Variants in TMEM97 observed in about 807,000 individuals in gnomAD.
TMEM97 encodes transmembrane protein 97, also known as sigma intracellular receptor 2.
TMEM97 carries 13 observed loss-of-function variants against 18.3 expected under a neutral mutation model. The observed-to-expected ratio is 0.71, with a 90% CI of 0.46 to 1.13. TMEM97 has a LOEUF of 1.13. TMEM97 is among the 50% of genes most tolerant of loss of function. The probability of loss-of-function intolerance (pLI) is 0.00; values close to 1 mark genes in which losing one functional copy is unlikely to be tolerated. For missense variants in TMEM97, 205 were observed against 210.5 expected (o/e 0.97, Z 0.16); for synonymous variants, 76 against 85.3 (o/e 0.89, Z 0.60).
chr17:28,322,238 T>C (rs140414377), intron 1 of TMEM97, among the ~76,000 whole-genome samples: 2 of 151,482 alleles, frequency 1.3e-5, no homozygotes, highest in Admixed American at 1.3e-4. Flanking sequence ...TTTTTGTTTT[T>C]CTTTCTTTTT....
Position 28,326,705 on chromosome 17 carries a change from C to T in TMEM97, c.443C>T (p.Ala148Val). The stretch of plus-strand genomic sequence containing the variant: ...CGGTTAACCCTTGTGTCTGTCTATG[C>T]CCCCTACTTACTCATCCCATTCATA... ...HERLTLVSVYAPYLLIPFILL... is the reference protein window; with the variant it reads ...HERLTLVSVYVPYLLIPFILL... Residue 148 changes from alanine (A) to valine (V), a missense_variant, in exon 3 of 3, where the codon GCC (alanine) becomes GTC (valine). Ala to Val is a moderately conservative substitution (Grantham distance 64). Coordinates refer to ENST00000226230, the MANE Select transcript of TMEM97 (RefSeq NM_014573.3). 1 of 1,614,036 alleles carries T rather than the reference C, an allele frequency of 6.2e-7. No homozygotes were observed. Among genetic ancestry groups the T allele is most frequent in the Non-Finnish European group, 8.5e-7 (1 of 1,180,018 alleles).
At chr17:28,322,602 T>G (rs1046278027) in intron 1 of TMEM97, among the ~76,000 whole-genome samples, 1 of 152,106 alleles carries the variant, frequency 6.6e-6, no homozygotes, top group Non-Finnish European at 1.5e-5. Flanking sequence ...AAGAACATGG[T>G]AAGGAGAGGA....
chr17:28,323,548 G>A lies in TMEM97; in HGVS notation c.127-1955G>A, dbSNP rs182289059. Among the ~76,000 whole-genome samples, 28 of 152,114 alleles carry A rather than the reference G, an allele frequency of 1.8e-4. No homozygotes were observed. The East Asian group carries it at 4.1e-3, about 22-fold the overall frequency. On this transcript the variant is annotated intron_variant, in intron 1 of 2. Transcript: ENST00000226230. ...AGAGTTGCTAGGATTACAGGCGTGAGCCACCACACCCAGCTAATTTTTGTA... is the reference window on the plus strand; with the variant it reads ...AGAGTTGCTAGGATTACAGGCGTGAACCACCACACCCAGCTAATTTTTGTA...
At chr17:28,325,364 C>G (rs1172008302) in intron 1 of TMEM97, 139 bp from the exon 2 acceptor site, 6 of 1,090,528 alleles carry the variant, frequency 5.5e-6, no homozygotes, top group African/African-American at 1.6e-5. Flanking sequence ...CAAAAGCCAG[C>G]TGGACATGCC....
intron 2 of TMEM97, 63 bp downstream of exon 2, chr17:28,325,710 A>G (rs902554617): frequency 6.2e-7 from 1 of 1,604,554 alleles, no homozygotes; most frequent in Admixed American, 1.7e-5. Flanking sequence ...ATCTTTTGGG[A>G]AAGTATCTCC....
intron 1 of TMEM97, among the ~76,000 whole-genome samples, chr17:28,323,437 T>A (rs1906223107): frequency 2.6e-5 from 4 of 151,842 alleles, no homozygotes; most frequent in South Asian, 2.1e-4. Context: ...TTTTTTTTTT[T>A]AATTTTTTTT....
At chr17:28,321,507 G>A (rs1414373589) in intron 1 of TMEM97, among the ~76,000 whole-genome samples, 1 of 152,138 alleles carries the variant, frequency 6.6e-6, no homozygotes, top group East Asian at 1.9e-4. Flanking sequence ...ATGCAGTCAT[G>A]GCTTACCACA....
In TMEM97 at chr17:28,327,157, G is replaced by C. The variant is rs1597781736; in HGVS notation, c.*364G>C. The C allele has an allele frequency of 4.6e-6, 1 of 219,408 alleles. No homozygotes were observed. The allele number at this position is 219,408 out of a possible 1,614,324, so 13.6% of individuals were successfully genotyped here. A position where few individuals can be genotyped will look rare whatever the true frequency, so the allele number is the denominator to read the frequency against. Reference sequence around the variant, plus strand: ...GTTTTGTTTTTTTTGTGTGTGTGGAGACAGGGTTTTGCCATGTTGCCCAGG... The same window carrying C: ...GTTTTGTTTTTTTTGTGTGTGTGGACACAGGGTTTTGCCATGTTGCCCAGG... On this transcript the variant is annotated 3_prime_UTR_variant, in exon 3 of 3. Transcript: ENST00000226230.
At position 28,325,560 on chromosome 17, in the gene TMEM97, C is replaced by T. The variant is rs1246242200; in HGVS notation, c.184C>T (p.Pro62Ser). The change falls in exon 2 of 3, where the codon CCC becomes TCC. Residue 62 changes from proline to serine, a missense_variant. By Grantham distance (74) the Pro-to-Ser change is moderately conservative. Transcript: ENST00000226230. ...GTTCAAAGACCCACTGCTACAGGAG[C>T]CCCCAGCCTGGTTTAAGTCCTTTCT... ...KEFKDPLLQE[P>S]PAWFKSFLFC... is the part of the protein sequence containing the mutation. 2 of 1,614,082 alleles carry T rather than the reference C, an allele frequency of 1.2e-6. No individual in the cohort carries two copies. The highest frequency in any genetic ancestry group is 1.7e-5 in the Admixed American group (1 of 59,994).
chr17:28,327,065 A>C lies in TMEM97; in HGVS notation c.*272A>C, dbSNP rs1555575631. ...ACTGCAACCTCCGCCTCCTGGGCTCAAGCCATCTTCCTTAGCCTCCCAAGT... is the reference window on the plus strand; with the variant it reads ...ACTGCAACCTCCGCCTCCTGGGCTCCAGCCATCTTCCTTAGCCTCCCAAGT... On this transcript the variant is annotated 3_prime_UTR_variant, in exon 3 of 3. Transcript: ENST00000226230. The C allele has an allele frequency of 2.4e-6, 1 of 418,582 alleles. No homozygotes were observed. Among genetic ancestry groups the C allele is most frequent in the Non-Finnish European group, 4.4e-6 (1 of 228,902 alleles). 25.9% of individuals were successfully genotyped at this position (418,582 alleles called of 1,614,324 possible).
chr17:28,328,007 A>T lies in TMEM97; in HGVS notation c.*1214A>T, dbSNP rs1386129571. The T allele has an allele frequency of 1.3e-5, 2 of 152,742 alleles. No homozygotes were observed. Among genetic ancestry groups the T allele is most frequent in the Admixed American group, 1.3e-4 (2 of 15,282 alleles). The allele number at this position is 152,742 out of a possible 1,614,324, so 9.5% of individuals were successfully genotyped here. ...GAAGGTGGCTACAGCCAGGCATAAC[A>T]TATCCACTGTGTGCATAGAGGGTCT... On this transcript the variant is annotated 3_prime_UTR_variant, in exon 3 of 3. Coordinates refer to ENST00000226230, the MANE Select transcript of TMEM97 (RefSeq NM_014573.3).
chr17:28,319,680 T>C (rs1307793136), intron 1 of TMEM97: 1 of 269,772 alleles, frequency 3.7e-6, no homozygotes, highest in Non-Finnish European at 6.9e-6. Context: ...CTGGATGAAG[T>C]GGTGTCCAAA....
chr17:28,325,390 A>C, intron 1 of TMEM97, 113 bp from the exon 2 acceptor site: 1 of 1,344,732 alleles, frequency 7.4e-7, no homozygotes, highest in Non-Finnish European at 1.0e-6. Context: ...CTGCCGGGGT[A>C]GTGGGGGGTG....
At chr17:28,319,881 C>T (rs537041981) in intron 1 of TMEM97, among the ~76,000 whole-genome samples, 11 of 152,166 alleles carry the variant, frequency 7.2e-5, no homozygotes, top group Non-Finnish European at 1.3e-4. Context: ...CAGCAACTTC[C>T]AGAGCTCAGG....
intron 1 of TMEM97, among the ~76,000 whole-genome samples, chr17:28,322,883 TA>T (rs1318540184): frequency 6.6e-5 from 10 of 152,246 alleles, no homozygotes; most frequent in African/African-American, 2.4e-4. Flanking sequence ...CCATAACTAA[TA>T]ATTTTTAATG....
chr17:28,321,531 G>A (rs549669073), intron 1 of TMEM97, among the ~76,000 whole-genome samples: 3 of 152,154 alleles, frequency 2.0e-5, no homozygotes, highest in South Asian at 2.1e-4. Context: ...TTGAACCTGA[G>A]CACAAGAGAT....
intron 1 of TMEM97, among the ~76,000 whole-genome samples, chr17:28,321,332 G>A (rs1906132246): frequency 1.3e-5 from 2 of 152,208 alleles, no homozygotes; most frequent in South Asian, 4.1e-4. Flanking sequence ...CTTCCTGGAT[G>A]TGCCATTCTC....
intron 1 of TMEM97, among the ~76,000 whole-genome samples, chr17:28,323,769 A>C (rs1906236209): frequency 6.6e-6 from 1 of 152,156 alleles, no homozygotes; most frequent in South Asian, 2.1e-4. Context: ...GCACTTTGGG[A>C]GGCTGAAGCG....
Sources: allele counts gnomAD v4.1 joint callset (sites outside exome capture counted in the v4.1 genomes callset), GRCh38; gene constraint gnomAD v4.1.1; transcripts MANE v1.5; gene names NCBI Gene and HGNC (gene_info 2026-07-23, HGNC 2026-07-21).